The following TRPM6 variants were observed in gnomAD, a reference collection of about 807,000 sequenced individuals.
The protein encoded by TRPM6 is transient receptor potential cation channel subfamily M member 6, also known as channel kinase 2.
Under a neutral mutation model 247.6 loss-of-function variants are expected in TRPM6, and 111 were observed. The observed-to-expected ratio is 0.45, with a 90% CI of 0.38 to 0.52. The LOEUF (loss-of-function observed/expected upper bound fraction) is 0.52, where lower values mean the gene tolerates loss of function less well. TRPM6 is among the 20% of genes least tolerant of loss of function. TRPM6 has a pLI of 0.00. For missense variants in TRPM6, 2,126 were observed against 2,421.5 expected (o/e 0.88, Z 2.56); for synonymous variants, 892 against 853.8 (o/e 1.04, Z -0.78).
rs1166516569 is a variant in TRPM6, at chr9:74,755,446, T to C, written c.4813A>G (p.Ser1605Gly). 3.1e-6 allele frequency: 5 copies of C among 1,614,056 alleles called. No homozygotes were observed. The African/African-American group carries it at 4.0e-5, about 13-fold the overall frequency. The change falls in exon 28 of 39, where the codon AGT (serine) becomes GGT (glycine). Residue 1605 changes from serine to glycine, a missense_variant. Coordinates refer to ENST00000360774, the MANE Select transcript of TRPM6 (RefSeq NM_017662.5). The part of the protein sequence containing the change: ...PIITVNACSQ[S>G]DQLNPEPGEN... ...CCTGGCTCTGGATTCAACTGGTCACTCTGAGAGCAGGCATTGACTGTTATG... is the reference window on the plus strand; with the variant it reads ...CCTGGCTCTGGATTCAACTGGTCACCCTGAGAGCAGGCATTGACTGTTATG...
intron 1 of TRPM6, among the ~76,000 whole-genome samples, chr9:74,859,661 C>T (rs1830637221): frequency 6.6e-6 from 1 of 151,884 alleles, no homozygotes; most frequent in Admixed American, 6.6e-5. Context: ...ATAATCCCAG[C>T]TACTCAGGAG....
At position 74,728,316 on chromosome 9, in the gene TRPM6, T is replaced by C. The variant is rs996117960; in HGVS notation, c.5858A>G (p.Asn1953Ser). 3.7e-6 allele frequency: 6 copies of C among 1,613,854 alleles called. No homozygotes were observed. In the East Asian group the frequency reaches 8.9e-5, roughly 24 times the overall value. Residue 1953 changes from asparagine (N) to serine (S), a missense_variant, in exon 38 of 39, where the codon AAT becomes AGT. Asn to Ser is a conservative substitution (Grantham distance 46, BLOSUM62 1). This residue lies in a region of TRPM6 where 327 missense variants were observed against 397.7 expected (regional missense o/e 0.82). Transcript: ENST00000360774. ...GTTTCTAATTGCATCTTCCCCCAAATTGGCCGGTCCAAACACCATTCCTCT... is the reference window on the plus strand; with the variant it reads ...GTTTCTAATTGCATCTTCCCCCAAACTGGCCGGTCCAAACACCATTCCTCT... ...QSRGMVFGPA[N>S]LGEDAIRNFI...
intron 23 of TRPM6, among the ~76,000 whole-genome samples, chr9:74,780,127 A>G (rs1017978832): frequency 2.0e-5 from 3 of 150,064 alleles, no homozygotes; most frequent in Non-Finnish European, 4.4e-5. Context: ...AGCCGAGATA[A>G]CACCAGTGCA....
intron 3 of TRPM6, among the ~76,000 whole-genome samples, chr9:74,846,886 A>C (rs1830126797): frequency 6.6e-6 from 1 of 152,186 alleles, no homozygotes; most frequent in African/African-American, 2.4e-5. Context: ...ACTTTTAAGA[A>C]ATTATCTTCA....
At chr9:74,752,509 T>C in intron 28 of TRPM6, 141 bp from the exon 29 acceptor site, 1 of 609,242 alleles carries the variant, frequency 1.6e-6, no homozygotes, top group Non-Finnish European at 2.9e-6. Context: ...TAGCAAGTTT[T>C]ACCAAGTTTC....
intron 28 of TRPM6, among the ~76,000 whole-genome samples, chr9:74,754,435 G>A (rs569549591): frequency 6.6e-6 from 1 of 152,248 alleles, no homozygotes; most frequent in South Asian, 2.1e-4. Context: ...ATGTTTAACA[G>A]CATCCCTGGC....
chr9:74,787,431 A>G (rs1359800265), intron 20 of TRPM6, among the ~76,000 whole-genome samples: 2 of 152,210 alleles, frequency 1.3e-5, no homozygotes, highest in African/African-American at 4.8e-5. Context: ...ACAGAAATGT[A>G]AAATAGTACA....
At chr9:74,872,602 G>GTGTT (rs1349926506) in intron 1 of TRPM6, among the ~76,000 whole-genome samples, 2 of 150,130 alleles carry the variant, frequency 1.3e-5, no homozygotes, top group Middle Eastern at 3.4e-3. Flanking sequence ...AGCAAATTTT[G>GTGTT]TGTGTGTGTG....
chr9:74,758,385 G>T (rs915143336), intron 27 of TRPM6, among the ~76,000 whole-genome samples: 6 of 151,880 alleles, frequency 4.0e-5, no homozygotes, highest in African/African-American at 1.5e-4. Context: ...CTAATGAAAA[G>T]TTTAGCAAAA....
At chr9:74,734,429 T>G (rs1358583015) in intron 36 of TRPM6, among the ~76,000 whole-genome samples, 1 of 152,220 alleles carries the variant, frequency 6.6e-6, no homozygotes, top group African/African-American at 2.4e-5. Context: ...GTAATCCTTA[T>G]AGACTTTCAC....
chr9:74,781,232 A>G (rs1485573525), intron 23 of TRPM6, among the ~76,000 whole-genome samples: 1 of 152,048 alleles, frequency 6.6e-6, no homozygotes, highest in East Asian at 1.9e-4. Context: ...AGTAGTGAGA[A>G]GTGACAGAGA....
At chr9:74,815,892 A>G (rs181305094) in intron 11 of TRPM6, among the ~76,000 whole-genome samples, 4 of 152,348 alleles carry the variant, frequency 2.6e-5, no homozygotes, top group East Asian at 1.9e-4. Flanking sequence ...AGCCACAACT[A>G]TAATCTTTTA....
At chr9:74,766,407 G>A (rs375873357) in intron 25 of TRPM6, among the ~76,000 whole-genome samples, 4 of 152,202 alleles carry the variant, frequency 2.6e-5, no homozygotes, top group Non-Finnish European at 4.4e-5. Context: ...GAAGAAAGAT[G>A]AGAATGGTAA....
At chr9:74,822,376 A>G (rs1829159349) in intron 7 of TRPM6, among the ~76,000 whole-genome samples, 1 of 151,180 alleles carries the variant, frequency 6.6e-6, no homozygotes. Context: ...CAGCCTCCTG[A>G]GTAGATGGGA....
At chr9:74,801,011 A>T (rs1828312342) in intron 16 of TRPM6, among the ~76,000 whole-genome samples, 1 of 151,138 alleles carries the variant, frequency 6.6e-6, no homozygotes, top group African/African-American at 2.4e-5. Flanking sequence ...TATCTACATG[A>T]CTTAAGAAAG....
intron 21 of TRPM6, 76 bp downstream of exon 21, chr9:74,785,798 C>T (rs1359441093): frequency 3.2e-6 from 5 of 1,553,964 alleles, no homozygotes; most frequent in South Asian, 1.1e-5. Context: ...GCTGGGATTA[C>T]AGGTGTGAGC....
chr9:74,752,635 A>G (rs1301563637), intron 28 of TRPM6, among the ~76,000 whole-genome samples: 1 of 152,206 alleles, frequency 6.6e-6, no homozygotes. Context: ...GAATTAAATG[A>G]TCCATAAACT....
intron 19 of TRPM6, among the ~76,000 whole-genome samples, chr9:74,789,987 A>T (rs1200234259): frequency 7.2e-6 from 1 of 138,844 alleles, no homozygotes. Flanking sequence ...AAAAAAAAAG[A>T]AAATCAGTTG....
intron 1 of TRPM6, among the ~76,000 whole-genome samples, chr9:74,884,463 T>C (rs1308636994): frequency 2.0e-5 from 3 of 152,050 alleles, no homozygotes; most frequent in Non-Finnish European, 4.4e-5. Flanking sequence ...CACTCCAGCC[T>C]GGGAGACAGA....
Sources: gnomAD v4.1 joint callset for allele counts (sites outside exome capture counted in the v4.1 genomes callset) on GRCh38, gnomAD v4.1.1 for gene constraint, gnomAD v4.1.1 regional missense constraint, MANE v1.5 for transcripts, NCBI Gene and HGNC (gene_info 2026-07-23, HGNC 2026-07-21) for gene names.